The following RIMS3 variants were observed in gnomAD, a reference collection of about 807,000 sequenced individuals.
RIMS3 encodes the protein regulating synaptic membrane exocytosis 3.
A neutral mutation model predicts 29.2 loss-of-function variants in RIMS3; 15 were observed. The ratio of observed to expected loss-of-function variants is 0.51; its 90% confidence interval spans 0.34 to 0.79. The LOEUF is 0.79. Ranked by LOEUF, RIMS3 falls within the 30% of genes least tolerant of loss-of-function variation. RIMS3 has a pLI of 0.01. For missense variants in RIMS3, 342 were observed against 421.4 expected, an observed-to-expected ratio of 0.81 and a Z score of 1.65; for synonymous variants, 161 against 170.1, an observed-to-expected ratio of 0.95 and a Z score of 0.41.
At chr1:40,633,024 C>A (rs1427522576) in intron 5 of RIMS3, 45 bp downstream of exon 5, 30 of 1,488,018 alleles carry the variant, frequency 2.0e-5, no homozygotes, top group African/African-American at 4.1e-5. Flanking sequence ...CTTCCTGTCG[C>A]ATGGTCACCA....
At chr1:40,640,040 G>A (rs1329126007) in intron 3 of RIMS3, among the ~76,000 whole-genome samples, 1 of 152,158 alleles carries the variant, frequency 6.6e-6, no homozygotes, top group East Asian at 1.9e-4. Context: ...AGTGACTCAG[G>A]TCCCCATCCT....
At chr1:40,641,198 C>T (rs1646553540) in intron 3 of RIMS3, among the ~76,000 whole-genome samples, 1 of 152,136 alleles carries the variant, frequency 6.6e-6, no homozygotes, top group Non-Finnish European at 1.5e-5. Flanking sequence ...GTCTCAAACT[C>T]CTGGGCTCAA....
intron 4 of RIMS3, 29 bp from the exon 5 acceptor site, chr1:40,633,210 GGGGGTCA>G: frequency 6.4e-7 from 1 of 1,565,158 alleles, no homozygotes; most frequent in Non-Finnish European, 8.8e-7. Context: ...GGACGCGTGA[GGGGGTCA>G]GGGCAACCTG....
intron 5 of RIMS3, among the ~76,000 whole-genome samples, chr1:40,630,488 A>AT (rs1646482735): frequency 6.6e-6 from 1 of 152,130 alleles, no homozygotes; most frequent in South Asian, 2.1e-4. Context: ...CCATTTTTAG[A>AT]TTATCTGAGC....
chr1:40,629,891 A>G (rs1646478391), intron 5 of RIMS3, among the ~76,000 whole-genome samples: 2 of 152,030 alleles, frequency 1.3e-5, no homozygotes, highest in Non-Finnish European at 2.9e-5. Context: ...TCTGGCTAAC[A>G]TGGTGAAACC....
intron 1 of RIMS3, among the ~76,000 whole-genome samples, chr1:40,652,918 G>C (rs184812236): frequency 1.3e-5 from 2 of 152,326 alleles, no homozygotes; most frequent in Admixed American, 1.3e-4. Flanking sequence ...GGGGCCAGGA[G>C]TCGTGGGTGT....
At chr1:40,629,422 G>T in intron 5 of RIMS3, 50 bp from the exon 6 acceptor site, 1 of 1,447,630 alleles carries the variant, frequency 6.9e-7, no homozygotes, top group South Asian at 1.1e-5. Flanking sequence ...CAAGGGGCAG[G>T]CCAGCCAGCT....
chr1:40,690,809 T>C, the RIMS3 span: 1 of 152,220 alleles, frequency 6.6e-6, no homozygotes, highest in African/African-American at 2.4e-5. Flanking sequence ...ATTTGTAAAA[T>C]TCAAGGTTAC....
rs769054116 is a variant in RIMS3 at position 40,654,737 on chromosome 1, C to T, written c.-206-6895G>A. On this transcript the variant is annotated intron_variant, in intron 1 of 7. Coordinates refer to ENST00000372684, the MANE Select transcript of RIMS3 (RefSeq NM_014747.3). The surrounding 1 kb of genome is among the most constrained non-coding windows in gnomAD (Gnocchi z 5.3). ...ATATCGCATGAAGATACATTCACCA[C>T]AGACACACACACACACAGTGCACAC... 6.6e-6 allele frequency among the ~76,000 whole-genome samples: 1 copy of T among 152,134 alleles called. No homozygotes were observed. Among genetic ancestry groups the T allele is most frequent in the Non-Finnish European group, 1.5e-5 (1 of 68,016 alleles).
chr1:40,674,301 G>C, the RIMS3 span, among the ~76,000 whole-genome samples: 2 of 152,198 alleles, frequency 1.3e-5, no homozygotes, highest in African/African-American at 4.8e-5. Context: ...CCAATCACAT[G>C]GTCCTAGTGA....
intron 3 of RIMS3, among the ~76,000 whole-genome samples, chr1:40,641,073 G>C (rs1646552719): frequency 6.6e-6 from 1 of 152,212 alleles, no homozygotes; most frequent in African/African-American, 2.4e-5. Flanking sequence ...ATATACATGG[G>C]ACTACAGAAC....
rs1222466436 is a variant in RIMS3, at chr1:40,636,899, C to T, written c.218-842G>A. 6.6e-6 allele frequency among the ~76,000 whole-genome samples: 1 copy of T among 152,184 alleles called. No individual in the cohort carries two copies. The highest frequency in any genetic ancestry group is 1.9e-4 in the East Asian group (1 of 5,188). On this transcript the variant is annotated intron_variant, in intron 3 of 7. Coordinates refer to ENST00000372684, the MANE Select transcript of RIMS3 (RefSeq NM_014747.3). This position sits in a 1 kb window ranked among gnomAD's most constrained non-coding sequence, Gnocchi z 4.2. Reference sequence around the variant, plus strand: ...GCCTGGGTTTCCATGGCAACCTCCTCGGCATTGCAGTGTGGTCCCTCTAGA... The same window carrying T: ...GCCTGGGTTTCCATGGCAACCTCCTTGGCATTGCAGTGTGGTCCCTCTAGA...
the RIMS3 span, among the ~76,000 whole-genome samples, chr1:40,671,365 A>C: frequency 2.0e-5 from 3 of 152,244 alleles, no homozygotes; most frequent in Admixed American, 1.3e-4. Flanking sequence ...TGGAGATACA[A>C]AACTAAGATT....
chr1:40,650,579 TG>T (rs1319113213), intron 1 of RIMS3, among the ~76,000 whole-genome samples: 1 of 151,954 alleles, frequency 6.6e-6, no homozygotes, highest in African/African-American at 2.4e-5. Flanking sequence ...AGTACCACCT[TG>T]GGCCGGGCGT....
chr1:40,654,482 C>G lies in RIMS3; in HGVS notation c.-206-6640G>C, dbSNP rs142062748. Among the ~76,000 whole-genome samples, 1 of 152,154 alleles carries G rather than the reference C, an allele frequency of 6.6e-6. No homozygotes were observed. Among genetic ancestry groups the G allele is most frequent in the Admixed American group, 6.5e-5 (1 of 15,274 alleles). On this transcript the variant is annotated intron_variant, in intron 1 of 7. Transcript: ENST00000372684. The surrounding 1 kb of genome is among the most constrained non-coding windows in gnomAD (Gnocchi z 5.3). ...GATGCACGCTGTACAAAGAAGATGA[C>G]GTACACAAAACAACAGGCACACACC...
At chr1:40,686,578 A>G in the RIMS3 span, among the ~76,000 whole-genome samples, 2 of 152,070 alleles carry the variant, frequency 1.3e-5, no homozygotes, top group Non-Finnish European at 2.9e-5. Flanking sequence ...AATGGCGTGA[A>G]CCCGGGAGGC....
intron 2 of RIMS3, among the ~76,000 whole-genome samples, chr1:40,644,603 G>C (rs1224368680): frequency 6.6e-6 from 1 of 152,222 alleles, no homozygotes; most frequent in Non-Finnish European, 1.5e-5. Context: ...CTCTGGGGGA[G>C]GGGGCTGCAG....
At chr1:40,670,899 T>C in the RIMS3 span, among the ~76,000 whole-genome samples, 36 of 152,006 alleles carry the variant, frequency 2.4e-4, no homozygotes, top group Middle Eastern at 6.8e-3. Context: ...AATATATATT[T>C]TTTTAAGTGG....
intron 1 of RIMS3, among the ~76,000 whole-genome samples, chr1:40,655,031 C>T (rs1178853019): frequency 6.6e-6 from 1 of 152,224 alleles, no homozygotes; most frequent in African/African-American, 2.4e-5. Context: ...TTGCCATCTG[C>T]CTTCTCTACT....
Sources: allele counts gnomAD v4.1 joint callset (sites outside exome capture counted in the v4.1 genomes callset), GRCh38; gene constraint gnomAD v4.1.1; non-coding constraint Gnocchi (gnomAD v3.1); transcripts MANE v1.5; gene names NCBI Gene and HGNC (gene_info 2026-07-23, HGNC 2026-07-21).